Variants in SV2C observed in about 807,000 individuals in gnomAD.
SV2C encodes the protein solute carrier family 22 member B3.
A neutral mutation model predicts 79.7 loss-of-function variants in SV2C; 49 were observed. That is an observed-to-expected ratio of 0.61 (90% confidence interval 0.49 to 0.78). The LOEUF is 0.78. Among genes scored for constraint, SV2C ranks in the 30% least tolerant of loss-of-function variants. The pLI is 0.00. For synonymous variants in SV2C, 334 were observed against 333.2 expected (o/e 1.00, Z -0.03); for missense variants, 833 against 912.9 (o/e 0.91, Z 1.13).
chr5:75,853,675 T>G, the SV2C span, among the ~76,000 whole-genome samples: 11 of 151,070 alleles, frequency 7.3e-5, no homozygotes, highest in African/African-American at 2.2e-4. Flanking sequence ...TTTTCTATTT[T>G]TTTTAAAATA....
intron 1 of SV2C, among the ~76,000 whole-genome samples, chr5:76,095,020 A>C (rs1747505774): frequency 6.6e-6 from 1 of 152,018 alleles, no homozygotes; most frequent in Non-Finnish European, 1.5e-5. Context: ...AATCTCACCA[A>C]AAAGCCCAAG....
the SV2C span, among the ~76,000 whole-genome samples, chr5:75,917,862 G>C: frequency 6.6e-6 from 1 of 152,102 alleles, no homozygotes; most frequent in Non-Finnish European, 1.5e-5. Context: ...TGCTTGGGGA[G>C]ACAGATACCT....
chr5:75,909,146 T>C, the SV2C span, among the ~76,000 whole-genome samples: 29 of 152,294 alleles, frequency 1.9e-4, no homozygotes, highest in Admixed American at 1.6e-3. Flanking sequence ...TCCATTCCTC[T>C]TTCCTAAGGG....
chr5:75,951,262 T>C, the SV2C span, among the ~76,000 whole-genome samples: 1 of 152,034 alleles, frequency 6.6e-6, no homozygotes, highest in East Asian at 1.9e-4. Context: ...GCCTTATGCC[T>C]GATGTTTACT....
intron 2 of SV2C, among the ~76,000 whole-genome samples, chr5:76,144,156 TA>T (rs1393920686): frequency 2.0e-5 from 3 of 152,298 alleles, no homozygotes; most frequent in East Asian, 3.9e-4. Flanking sequence ...TTGATACAAT[TA>T]AAAAAATGCA....
the SV2C span, among the ~76,000 whole-genome samples, chr5:75,905,810 G>A: frequency 0.021 from 3,222 of 151,712 alleles, 50 homozygotes; most frequent in South Asian, 0.04. Flanking sequence ...ATAAGGTATT[G>A]TTCTGCCATC....
intron 1 of SV2C, among the ~76,000 whole-genome samples, chr5:76,087,508 A>C (rs1033767860): frequency 1.3e-5 from 2 of 152,226 alleles, no homozygotes; most frequent in African/African-American, 4.8e-5. Flanking sequence ...AGAGTAGCCA[A>C]ATAGACCAGC....
the SV2C span, among the ~76,000 whole-genome samples, chr5:76,054,235 C>T: frequency 6.6e-6 from 1 of 152,122 alleles, no homozygotes; most frequent in East Asian, 1.9e-4. Flanking sequence ...TGAGTGAGAA[C>T]ATGTGGTGTT....
At chr5:76,035,134 C>T in the SV2C span, among the ~76,000 whole-genome samples, 5 of 150,670 alleles carry the variant, frequency 3.3e-5, no homozygotes, top group African/African-American at 1.2e-4. Context: ...TGATTCTTCT[C>T]TTTTTTTTTC....
the SV2C span, among the ~76,000 whole-genome samples, chr5:75,952,342 G>C: frequency 5.5e-5 from 8 of 144,792 alleles, no homozygotes; most frequent in South Asian, 1.7e-3. Flanking sequence ...CCTTTCACTG[G>C]CTTCTCTTTC....
the SV2C span, among the ~76,000 whole-genome samples, chr5:75,892,126 A>T: frequency 6.6e-6 from 1 of 152,080 alleles, no homozygotes; most frequent in Non-Finnish European, 1.5e-5. Flanking sequence ...CATTGCACTG[A>T]AACTCCAGCT....
chr5:75,920,999 G>A, the SV2C span: 5 of 706,280 alleles, frequency 7.1e-6, no homozygotes, highest in South Asian at 4.8e-5. Flanking sequence ...CTCCCCGTGC[G>A]AGTCCTCGCG....
intron 6 of SV2C, among the ~76,000 whole-genome samples, chr5:76,290,371 C>A (rs942320010): frequency 6.6e-6 from 1 of 152,184 alleles, no homozygotes; most frequent in African/African-American, 2.4e-5. Context: ...TCCGGAAAAA[C>A]CTGTTCAAAC....
At chr5:76,026,968 T>C in the SV2C span, among the ~76,000 whole-genome samples, 12 of 152,170 alleles carry the variant, frequency 7.9e-5, no homozygotes, top group Non-Finnish European at 1.5e-4. Context: ...CTATTTTTTT[T>C]CTAAGGGAAT....
chr5:76,144,081 C>T (rs566779477), intron 2 of SV2C, among the ~76,000 whole-genome samples: 1 of 152,048 alleles, frequency 6.6e-6, no homozygotes, highest in South Asian at 2.1e-4. Context: ...GTGGTGGTTA[C>T]GCAACAATGT....
chr5:76,057,829 A>T, the SV2C span, among the ~76,000 whole-genome samples: 1 of 152,118 alleles, frequency 6.6e-6, no homozygotes, highest in South Asian at 2.1e-4. Context: ...AATAATTTTG[A>T]TCAAGGTTTA....
At chr5:76,268,434 G>A in intron 4 of SV2C, among the ~76,000 whole-genome samples, 1 of 152,184 alleles carries the variant, frequency 6.6e-6, no homozygotes, top group East Asian at 1.9e-4. Flanking sequence ...CATTCTCACT[G>A]CAGGTCTTGT....
the SV2C span, among the ~76,000 whole-genome samples, chr5:75,898,302 C>T: frequency 1.3e-5 from 2 of 152,132 alleles, no homozygotes; most frequent in Non-Finnish European, 2.9e-5. Flanking sequence ...TGTCCAAGGC[C>T]TTTTCTGCAT....
At chr5:76,224,607 A>G (rs1280093702) in intron 4 of SV2C, among the ~76,000 whole-genome samples, 1 of 152,184 alleles carries the variant, frequency 6.6e-6, no homozygotes, top group African/African-American at 2.4e-5. Flanking sequence ...GAATAATATT[A>G]AGTGACTTAC....
Sources: gnomAD v4.1 joint callset for allele counts (sites outside exome capture counted in the v4.1 genomes callset) on GRCh38, gnomAD v4.1.1 for gene constraint, MANE v1.5 for transcripts, NCBI Gene and HGNC (gene_info 2026-07-23, HGNC 2026-07-21) for gene names.